STRN3: variants seen among roughly 807,000 people sequenced by gnomAD.
The protein encoded by STRN3 is striatin-3.
A neutral mutation model predicts 95.6 loss-of-function variants in STRN3; 29 were observed. The observed-to-expected ratio is 0.30, with a 90% CI of 0.23 to 0.41. STRN3 has a LOEUF of 0.41. Among genes scored for constraint, STRN3 ranks in the 10% least tolerant of loss-of-function variants. The pLI, the probability that STRN3 is intolerant of heterozygous loss-of-function variation, is 1.00. For synonymous variants in STRN3, 331 were observed against 357.6 expected (o/e 0.93, Z 0.84); for missense variants, 890 against 972.1 (o/e 0.92, Z 1.12).
At chr14:30,995,530 C>G (rs1478271913) in intron 1 of STRN3, among the ~76,000 whole-genome samples, 3 of 152,138 alleles carry the variant, frequency 2.0e-5, no homozygotes, top group Non-Finnish European at 4.4e-5. Flanking sequence ...TTCAATCCTT[C>G]TGATTAGGAT....
chr14:30,970,077 T>TA (rs1424050040), intron 1 of STRN3, among the ~76,000 whole-genome samples: 1 of 152,246 alleles, frequency 6.6e-6, no homozygotes, highest in East Asian at 1.9e-4. Context: ...TCTATTCTAT[T>TA]ACTCTTCTTT....
chr14:31,002,166 C>CAAA (rs757001835), intron 1 of STRN3, among the ~76,000 whole-genome samples: 281 of 19,224 alleles, frequency 0.015, 45 homozygotes, highest in Non-Finnish European at 0.016. Context: ...AATTCCATCT[C>CAAA]AAAAAAAAAA....
chr14:31,006,135 AAG>A (rs1882702093), intron 1 of STRN3, among the ~76,000 whole-genome samples: 1 of 151,190 alleles, frequency 6.6e-6, no homozygotes, highest in Non-Finnish European at 1.5e-5. Flanking sequence ...AAAAAAAAAA[AAG>A]AAACAAACAA....
intron 8 of STRN3, among the ~76,000 whole-genome samples, chr14:30,927,928 G>A (rs529905352): frequency 1.0e-4 from 7 of 67,104 alleles, no homozygotes; most frequent in African/African-American, 4.5e-4. Context: ...GCGAGACTCC[G>A]TCAAAAAAAA....
intron 1 of STRN3, among the ~76,000 whole-genome samples, chr14:31,000,339 T>C (rs946075560): frequency 5.9e-5 from 9 of 151,828 alleles, no homozygotes; most frequent in African/African-American, 1.4e-4. Flanking sequence ...GGGTATACAA[T>C]AGAGGGACAT....
intron 8 of STRN3, among the ~76,000 whole-genome samples, chr14:30,926,952 G>A (rs1406616884): frequency 6.6e-6 from 1 of 151,986 alleles, no homozygotes; most frequent in African/African-American, 2.4e-5. Context: ...ATAAAATGAT[G>A]TTTTCTATGA....
intron 1 of STRN3, among the ~76,000 whole-genome samples, chr14:30,960,897 GAAAAGAAA>G (rs1218437305): frequency 7.1e-6 from 1 of 141,034 alleles, no homozygotes; most frequent in East Asian, 2.1e-4. Context: ...AAAATAGAAA[GAAAAGAAA>G]AAAAGAAAAT....
intron 1 of STRN3, among the ~76,000 whole-genome samples, chr14:30,994,739 A>G (rs1882121297): frequency 6.6e-6 from 1 of 152,262 alleles, no homozygotes; most frequent in Admixed American, 6.5e-5. Flanking sequence ...ACCACAAGAT[A>G]TCTTTTAAGT....
chr14:30,952,745 ATTTCT>A (rs1879712751), intron 3 of STRN3, among the ~76,000 whole-genome samples: 1 of 152,122 alleles, frequency 6.6e-6, no homozygotes, highest in African/African-American at 2.4e-5. Flanking sequence ...AAACGTAAGC[ATTTCT>A]TTTATTTCCA....
At chr14:30,978,505 A>G (rs1225169410) in intron 1 of STRN3, among the ~76,000 whole-genome samples, 1 of 152,244 alleles carries the variant, frequency 6.6e-6, no homozygotes, top group East Asian at 1.9e-4. Flanking sequence ...ACAGCTAAAT[A>G]TCATATTTAA....
chr14:31,002,755 G>A lies in STRN3; in HGVS notation c.282+23149C>T, dbSNP rs56966033. 5.8e-3 allele frequency among the ~76,000 whole-genome samples: 886 copies of A among 152,230 alleles called. 6 individuals carry two copies. The highest frequency in any genetic ancestry group is 0.032 in the East Asian group (166 of 5,178). ...GTCACAAAAAGGCATTTGTATGTAT[G>A]AGTCCACTTATGTAAGGTACCTAGA... On this transcript the variant is annotated intron_variant, in intron 1 of 17. Transcript: ENST00000357479.
At chr14:31,018,348 C>A (rs1883342094) in intron 1 of STRN3, 1 of 302,652 alleles carries the variant, frequency 3.3e-6, no homozygotes, top group Non-Finnish European at 6.4e-6. Context: ...CAGCATCTAG[C>A]AGTGTTGGCA....
intron 1 of STRN3, among the ~76,000 whole-genome samples, chr14:31,024,097 T>C (rs1335642523): frequency 6.6e-6 from 1 of 152,186 alleles, no homozygotes; most frequent in Non-Finnish European, 1.5e-5. Context: ...TTCTTTAATA[T>C]ATAGTATAGG....
chr14:31,005,080 T>A (rs1339600111), intron 1 of STRN3, among the ~76,000 whole-genome samples: 1 of 152,014 alleles, frequency 6.6e-6, no homozygotes, highest in Non-Finnish European at 1.5e-5. Context: ...ACCCCTATAA[T>A]CCTAGCACTT....
In STRN3 at chr14:30,911,672, C is replaced by T. The variant is rs116641230; in HGVS notation, c.1598+105G>A. The stretch of plus-strand genomic sequence containing the variant: ...AATAGCTATTATTCAAGTAATACAT[C>T]TTTTCTAATACAAAACATTGAGAAA... On this transcript the variant is annotated intron_variant, in intron 12 of 17. Coordinates refer to ENST00000357479, the MANE Select transcript of STRN3 (RefSeq NM_001083893.2). The T allele has an allele frequency of 5.6e-4, 571 of 1,024,700 alleles. 2 individuals carry two copies. In the African/African-American group the frequency reaches 8.6e-3, roughly 15 times the overall value. 63.5% of individuals were successfully genotyped at this position (1,024,700 alleles called of 1,614,324 possible).
intron 8 of STRN3, among the ~76,000 whole-genome samples, chr14:30,924,256 A>C (rs2139031614): frequency 8.0e-6 from 1 of 124,774 alleles, no homozygotes; most frequent in East Asian, 2.4e-4. Context: ...AAAAAAAAAC[A>C]TGGCCAGGTA....
At chr14:30,967,029 CT>C (rs1880549950) in intron 1 of STRN3, among the ~76,000 whole-genome samples, 1 of 151,526 alleles carries the variant, frequency 6.6e-6, no homozygotes, top group African/African-American at 2.4e-5. Context: ...TGAGACACCC[CT>C]GGTTTGAGGG....
At chr14:30,956,103 C>G in intron 2 of STRN3, 36 bp downstream of exon 2, 1 of 1,563,470 alleles carries the variant, frequency 6.4e-7, no homozygotes, top group Non-Finnish European at 8.8e-7. Flanking sequence ...TACTATTGTT[C>G]TACTTTATTC....
intron 1 of STRN3, 116 bp downstream of exon 1, chr14:31,025,788 G>A (rs1335369943): frequency 2.9e-6 from 4 of 1,402,530 alleles, no homozygotes; most frequent in African/African-American, 1.4e-5. Flanking sequence ...AGCAGCACAG[G>A]TAGGTTCCGC....
Sources: allele counts gnomAD v4.1 joint callset (sites outside exome capture counted in the v4.1 genomes callset), GRCh38; gene constraint gnomAD v4.1.1; transcripts MANE v1.5; gene names NCBI Gene and HGNC (gene_info 2026-07-23, HGNC 2026-07-21).